Variants in NXPE2 observed in about 807,000 individuals in gnomAD.
NXPE2 encodes neurexophilin and PC-esterase domain family member 2.
NXPE2 carries 34 observed loss-of-function variants against 34.4 expected under a neutral mutation model. The ratio of observed to expected loss-of-function variants is 0.99; its 90% CI spans 0.75 to 1.31. The LOEUF (loss-of-function observed/expected upper bound fraction) is 1.31. Ranked by LOEUF, NXPE2 falls within the 40% of genes most tolerant of loss-of-function variation. NXPE2 has a pLI of 0.00. For synonymous variants in NXPE2, 235 were observed against 231.3 expected (o/e 1.02, Z -0.15); for missense variants, 649 against 672.5 (o/e 0.97, Z 0.39).
chr11:114,583,307 G>T, the NXPE2 span: 1 of 632,186 alleles, frequency 1.6e-6, no homozygotes. Flanking sequence ...CGATAGGGGT[G>T]TTGGAAATTA....
chr11:114,605,269 A>G, the NXPE2 span, among the ~76,000 whole-genome samples: 1 of 151,834 alleles, frequency 6.6e-6, no homozygotes, highest in Admixed American at 6.6e-5. Flanking sequence ...GTGGGAAACC[A>G]CTGTTACCTG....
the NXPE2 span, among the ~76,000 whole-genome samples, chr11:114,632,812 T>A: frequency 5.6e-3 from 1 of 180 alleles, no homozygotes. Flanking sequence ...AATTATATAT[T>A]ATATATATAT....
At chr11:114,618,789 C>T in the NXPE2 span, among the ~76,000 whole-genome samples, 6 of 152,098 alleles carry the variant, frequency 3.9e-5, no homozygotes, top group Middle Eastern at 3.4e-3. Flanking sequence ...AGTGTTGCCT[C>T]GTGGGAAACC....
the NXPE2 span, among the ~76,000 whole-genome samples, chr11:114,554,825 AT>A: frequency 1.3e-5 from 2 of 152,076 alleles, no homozygotes; most frequent in Non-Finnish European, 2.9e-5. Flanking sequence ...TAAAGGTGTT[AT>A]TTTTTTCCCA....
At chr11:114,470,023 A>T in the NXPE2 span, among the ~76,000 whole-genome samples, 1 of 152,232 alleles carries the variant, frequency 6.6e-6, no homozygotes, top group South Asian at 2.1e-4. Context: ...AAGTATCAAC[A>T]GTTCATTCCT....
chr11:114,670,093 A>G, the NXPE2 span, among the ~76,000 whole-genome samples: 34 of 152,134 alleles, frequency 2.2e-4, no homozygotes, highest in Non-Finnish European at 4.6e-4. Context: ...GGTCTCAAAA[A>G]CTGCCCCTCA....
At chr11:114,634,486 T>C in the NXPE2 span, among the ~76,000 whole-genome samples, 1 of 152,102 alleles carries the variant, frequency 6.6e-6, no homozygotes, top group African/African-American at 2.4e-5. Flanking sequence ...CACTTGTCAA[T>C]TTTGGCTTTT....
chr11:114,726,865 A>T, the NXPE2 span, among the ~76,000 whole-genome samples: 1 of 152,116 alleles, frequency 6.6e-6, no homozygotes, highest in African/African-American at 2.4e-5. Context: ...GTTTCCAATA[A>T]CATGTTCCTC....
At chr11:114,568,351 A>T in the NXPE2 span, among the ~76,000 whole-genome samples, 1 of 152,058 alleles carries the variant, frequency 6.6e-6, no homozygotes, top group Non-Finnish European at 1.5e-5. Flanking sequence ...GTGGAAAGTC[A>T]CTCTATTAAT....
At chr11:114,609,363 C>T in the NXPE2 span, among the ~76,000 whole-genome samples, 3 of 151,420 alleles carry the variant, frequency 2.0e-5, no homozygotes, top group South Asian at 6.2e-4. Context: ...CATTGGTAAC[C>T]ACCGTTACCC....
chr11:114,638,278 C>G, the NXPE2 span, among the ~76,000 whole-genome samples: 1 of 152,080 alleles, frequency 6.6e-6, no homozygotes, highest in Non-Finnish European at 1.5e-5. Context: ...CTTCTGCATT[C>G]TTCATGTAGT....
At chr11:114,666,209 A>G in the NXPE2 span, among the ~76,000 whole-genome samples, 1 of 152,106 alleles carries the variant, frequency 6.6e-6, no homozygotes, top group African/African-American at 2.4e-5. Flanking sequence ...AAAGCTATAT[A>G]CCTTTGCTAC....
the NXPE2 span, among the ~76,000 whole-genome samples, chr11:114,751,149 A>T: frequency 6.6e-6 from 1 of 152,198 alleles, no homozygotes; most frequent in Admixed American, 6.5e-5. Flanking sequence ...TTATTGCCTC[A>T]TATCAAACTT....
chr11:114,670,029 C>T, the NXPE2 span, among the ~76,000 whole-genome samples: 1 of 152,032 alleles, frequency 6.6e-6, no homozygotes, highest in East Asian at 1.9e-4. Flanking sequence ...GAGGAAACTG[C>T]ACAAAGACAT....
At chr11:114,742,620 ATTTT>A in the NXPE2 span, among the ~76,000 whole-genome samples, 1 of 133,702 alleles carries the variant, frequency 7.5e-6, no homozygotes, top group Admixed American at 7.7e-5. Context: ...TTATTCTTGG[ATTTT>A]TTTTTTTTTT....
the NXPE2 span, among the ~76,000 whole-genome samples, chr11:114,592,936 T>C: frequency 6.6e-6 from 1 of 152,122 alleles, no homozygotes; most frequent in Non-Finnish European, 1.5e-5. Context: ...AACAAAAGTA[T>C]TTAAAATAGA....
At chr11:114,672,250 A>C in the NXPE2 span, among the ~76,000 whole-genome samples, 1 of 152,128 alleles carries the variant, frequency 6.6e-6, no homozygotes, top group South Asian at 2.1e-4. Context: ...ACACACAAAA[A>C]GCAACTATAG....
At chr11:114,511,917 C>T in the NXPE2 span, among the ~76,000 whole-genome samples, 10 of 152,138 alleles carry the variant, frequency 6.6e-5, no homozygotes, top group Admixed American at 6.5e-4. Context: ...ATGCTGGTGC[C>T]ATGTTTATAC....
the NXPE2 span, among the ~76,000 whole-genome samples, chr11:114,593,732 T>C: frequency 6.6e-6 from 1 of 152,154 alleles, no homozygotes; most frequent in South Asian, 2.1e-4. Context: ...CCCATGTTTA[T>C]TGCAGCACTG....
Sources: allele counts gnomAD v4.1 joint callset (sites outside exome capture counted in the v4.1 genomes callset), GRCh38; gene constraint gnomAD v4.1.1; transcripts MANE v1.5; gene names NCBI Gene and HGNC (gene_info 2026-07-23, HGNC 2026-07-21).